Variants in BIRC6 observed in about 807,000 individuals in gnomAD.
The protein encoded by BIRC6 is dual E2 ubiquitin-conjugating enzyme/E3 ubiquitin-protein ligase BIRC6.
In BIRC6, 98 loss-of-function variants were observed where a neutral mutation model predicts 503.3. The ratio of observed to expected loss-of-function variants is 0.19; its 90% CI spans 0.17 to 0.23. The LOEUF is 0.23. Among genes scored for constraint, BIRC6 ranks in the 10% least tolerant of loss-of-function variants. BIRC6 has a pLI of 1.00. For missense variants in BIRC6, 5,360 were observed against 5,806.0 expected (o/e 0.92, Z 2.50); for synonymous variants, 2,240 against 2,078.7 (o/e 1.08, Z -2.11).
At chr2:32,528,847 G>A (rs15695) in intron 59 of BIRC6, 1 of 151,904 alleles carries the variant, frequency 6.6e-6, no homozygotes, top group Admixed American at 6.6e-5. Flanking sequence ...TGTATATAAG[G>A]GATGTGTGTA....
chr2:32,495,680 C>G (rs1019500961), intron 45 of BIRC6, among the ~76,000 whole-genome samples: 1 of 151,594 alleles, frequency 6.6e-6, no homozygotes, highest in African/African-American at 2.4e-5. Context: ...CACACAAAGT[C>G]TTAAATACCC....
chr2:32,442,355 A>G lies in BIRC6; in HGVS notation c.4138A>G (p.Lys1380Glu). 1 of 1,612,742 alleles carries G rather than the reference A, an allele frequency of 6.2e-7. No homozygotes were observed. The highest frequency in any genetic ancestry group is 8.5e-7 in the Non-Finnish European group (1 of 1,179,264). ...SKEGNENLLS[K>E]TRKFLSDIVR... ...GGAAGGAAATGAGAACCTACTTTCA[A>G]AAACACGAAAATTTCTGTCAGACAT... is the stretch of plus-strand genomic sequence containing the variant. The change falls in exon 19 of 74, where the codon AAA becomes GAA. Residue 1380 changes from lysine to glutamate, a missense_variant. Around this residue, in one of 16 missense-constraint regions of BIRC6, gnomAD observed 2,299 missense variants for 2,267.2 expected, o/e 1.01. Transcript: ENST00000421745.
chr2:32,578,824 A>G (rs966259819), intron 66 of BIRC6, among the ~76,000 whole-genome samples: 1 of 151,300 alleles, frequency 6.6e-6, no homozygotes, highest in African/African-American at 2.4e-5. Context: ...ACATACATAC[A>G]TACATACATA....
In BIRC6 at chr2:32,518,865, A is replaced by G. The variant is rs370778895; in HGVS notation, c.11542A>G (p.Met3848Val). ...TACTAGCCACGTCATCCAGCATCCA[A>G]TGTATGGAGCAGGCCACAAATTCCG... is the stretch of plus-strand genomic sequence containing the variant. The part of the protein sequence containing the change: ...NATSHVIQHP[M>V]YGAGHKFRTL... The change falls in exon 57 of 74, where the codon ATG becomes GTG. Residue 3848 changes from methionine to valine, a missense_variant. Around this residue, in one of 16 missense-constraint regions of BIRC6, gnomAD observed 878 missense variants for 928.9 expected, o/e 0.95. Coordinates refer to ENST00000421745, the MANE Select transcript of BIRC6 (RefSeq NM_016252.4). 49 of 1,613,562 alleles carry G rather than the reference A, an allele frequency of 3.0e-5. No homozygotes were observed. The highest frequency in any genetic ancestry group is 3.3e-5 in the Non-Finnish European group (39 of 1,179,644).
At chr2:32,615,997 G>C (rs1274959462) in intron 73 of BIRC6, among the ~76,000 whole-genome samples, 1 of 152,044 alleles carries the variant, frequency 6.6e-6, no homozygotes, top group Non-Finnish European at 1.5e-5. Context: ...AGAAAATTAT[G>C]AACCAAATCT....
chr2:32,444,697 A>T (rs2045773050), intron 20 of BIRC6, among the ~76,000 whole-genome samples: 2 of 152,160 alleles, frequency 1.3e-5, no homozygotes, highest in Admixed American at 1.3e-4. Flanking sequence ...AAAACAACCC[A>T]TTCAACAAGT....
chr2:32,509,997 G>A lies in BIRC6; in HGVS notation c.10237+3G>A, dbSNP rs773775373. On this transcript the variant is annotated splice_donor_region_variant and intron_variant, in intron 52 of 73. Coordinates refer to ENST00000421745, the MANE Select transcript of BIRC6 (RefSeq NM_016252.4). Reference sequence around the variant, plus strand: ...AGCATCAGGCAGTGATCCTACAGGTGATAATTAACTTTGATATTTAAATGT... The same window carrying A: ...AGCATCAGGCAGTGATCCTACAGGTAATAATTAACTTTGATATTTAAATGT... 8.7e-6 allele frequency: 14 copies of A among 1,612,218 alleles called. No individual in the cohort carries two copies. The highest frequency in any genetic ancestry group is 1.2e-5 in the Non-Finnish European group (14 of 1,179,436).
intron 10 of BIRC6, among the ~76,000 whole-genome samples, chr2:32,417,759 A>G (rs1018374673): frequency 6.6e-6 from 1 of 152,090 alleles, no homozygotes; most frequent in Admixed American, 6.6e-5. Flanking sequence ...TTTGAACTAT[A>G]TGTAGTGAAA....
intron 65 of BIRC6, among the ~76,000 whole-genome samples, chr2:32,552,324 A>G (rs2150441171): frequency 6.6e-6 from 1 of 152,318 alleles, no homozygotes; most frequent in Admixed American, 6.5e-5. Flanking sequence ...AAGTTCTCAT[A>G]TTAATGAGTT....
chr2:32,368,862 G>T (rs1255749334), intron 1 of BIRC6, among the ~76,000 whole-genome samples: 2 of 152,192 alleles, frequency 1.3e-5, no homozygotes. Flanking sequence ...ATGTTGGCCA[G>T]GCTGGTCTGG....
chr2:32,438,328 A>G (rs911815536), intron 15 of BIRC6, among the ~76,000 whole-genome samples: 1 of 152,230 alleles, frequency 6.6e-6, no homozygotes, highest in Admixed American at 6.5e-5. Flanking sequence ...AGTAGTGTTA[A>G]GAAAAATGTA....
chr2:32,574,345 C>G (rs2060119490), intron 65 of BIRC6, among the ~76,000 whole-genome samples: 1 of 151,778 alleles, frequency 6.6e-6, no homozygotes, highest in Non-Finnish European at 1.5e-5. Flanking sequence ...CTCAAACTCC[C>G]AGGCTCAAGT....
intron 46 of BIRC6, among the ~76,000 whole-genome samples, chr2:32,500,606 G>GTTTTTT (rs758919928): frequency 3.8e-4 from 45 of 118,286 alleles, no homozygotes; most frequent in Admixed American, 4.7e-4. Flanking sequence ...TTTTGTTTTT[G>GTTTTTT]TTTTTTTTTT....
chr2:32,549,168 A>G (rs1023481473), intron 64 of BIRC6, 145 bp from the exon 65 acceptor site: 1 of 546,364 alleles, frequency 1.8e-6, no homozygotes, highest in African/African-American at 1.9e-5. Context: ...GAAAATTTAA[A>G]CAAATAATTA....
chr2:32,471,629 C>T (rs1235004143), intron 32 of BIRC6, among the ~76,000 whole-genome samples: 3 of 152,112 alleles, frequency 2.0e-5, no homozygotes, highest in African/African-American at 7.2e-5. Context: ...AATCAACCTG[C>T]AACATTATTT....
In BIRC6 at chr2:32,479,719, A is replaced by G. The variant is rs528074783; in HGVS notation, c.7408+102A>G. 5.3e-5 allele frequency: 59 copies of G among 1,106,310 alleles called. No individual in the cohort carries two copies. In the Admixed American group the frequency reaches 6.3e-4, roughly 12 times the overall value. 68.5% of individuals were successfully genotyped at this position (1,106,310 alleles called of 1,614,324 possible). A position where few individuals can be genotyped will look rare whatever the true frequency, so the allele number is the denominator to read the frequency against. On this transcript the variant is annotated intron_variant, in intron 37 of 73. Transcript: ENST00000421745. Reference sequence around the variant, plus strand: ...ATAAAGTTGATTTTTATATTTTTCTATTAGTTCTTTGGCCTTATAAACTAG... The same window carrying G: ...ATAAAGTTGATTTTTATATTTTTCTGTTAGTTCTTTGGCCTTATAAACTAG...
intron 59 of BIRC6, chr2:32,527,677 A>G (rs1470131477): frequency 1.3e-5 from 2 of 152,568 alleles, no homozygotes; most frequent in Non-Finnish European, 2.9e-5. Context: ...CAAGTGAAAA[A>G]AAATGATGTC....
intron 8 of BIRC6, among the ~76,000 whole-genome samples, chr2:32,405,147 C>G (rs1485616345): frequency 6.6e-6 from 1 of 152,090 alleles, no homozygotes; most frequent in African/African-American, 2.4e-5. Flanking sequence ...TAATGGGCAG[C>G]CATTCTATAC....
Position 32,476,247 on chromosome 2 carries a change from T to C in BIRC6, c.6755T>C (p.Leu2252Ser). 12 of 1,552,490 alleles carry C rather than the reference T, an allele frequency of 7.7e-6. No individual in the cohort carries two copies. Among genetic ancestry groups the C allele is most frequent in the Non-Finnish European group, 1.0e-5 (12 of 1,147,166 alleles). Residue 2252 changes from leucine to serine, a missense_variant, in exon 34 of 74, where the codon TTG becomes TCG. By Grantham distance (145) the Leu-to-Ser change is moderately radical (BLOSUM62 -2). Transcript: ENST00000421745. ...LNLLKAKQKA[L>S]VEQMEKEKIQ... is the part of the protein sequence containing the mutation. ...CTACTAAAAGCAAAGCAGAAGGCAT[T>C]GGTAGAACAGATGGAAAAAGAAAAA...
Sources: gnomAD v4.1 joint callset for allele counts (sites outside exome capture counted in the v4.1 genomes callset) on GRCh38, gnomAD v4.1.1 for gene constraint, gnomAD v4.1.1 regional missense constraint, MANE v1.5 for transcripts, NCBI Gene and HGNC (gene_info 2026-07-23, HGNC 2026-07-21) for gene names.